SMAD6: variants seen among roughly 807,000 people sequenced by gnomAD.
SMAD6 encodes the protein MAD homolog 6.
A neutral mutation model predicts 39.4 loss-of-function variants in SMAD6; 103 were observed. That is an observed-to-expected ratio of 2.62 (90% CI 2.23 to 3.08). The LOEUF (loss-of-function observed/expected upper bound fraction) is 3.08, where lower values mean the gene tolerates loss of function less well. SMAD6 is among the 30% of genes most tolerant of loss of function. SMAD6 has a pLI of 0.00. For synonymous variants in SMAD6, 445 were observed against 353.3 expected (o/e 1.26, Z -2.91); for missense variants, 1,104 against 742.9 (o/e 1.49, Z -5.65).
At chr15:66,770,374 C>T (rs1894360208) in intron 3 of SMAD6, among the ~76,000 whole-genome samples, 1 of 152,116 alleles carries the variant, frequency 6.6e-6, no homozygotes, top group South Asian at 2.1e-4. Flanking sequence ...GGTGCGGGCA[C>T]TGGTTTATAT....
chr15:66,729,027 G>A (rs1000286216), intron 3 of SMAD6, among the ~76,000 whole-genome samples: 1 of 152,208 alleles, frequency 6.6e-6, no homozygotes, highest in African/African-American at 2.4e-5. Context: ...TTAGTCAGAA[G>A]CCCCTCTAGA....
chr15:66,760,492 G>A (rs925631145), intron 3 of SMAD6, among the ~76,000 whole-genome samples: 2 of 152,216 alleles, frequency 1.3e-5, no homozygotes, highest in African/African-American at 4.8e-5. Flanking sequence ...TGGCGGGCTC[G>A]AAGGACTCGT....
intron 3 of SMAD6, among the ~76,000 whole-genome samples, chr15:66,771,925 T>C (rs1053371243): frequency 6.6e-6 from 1 of 152,124 alleles, no homozygotes; most frequent in Non-Finnish European, 1.5e-5. Context: ...AAAGTGTGTT[T>C]CCAGGGCTGC....
chr15:66,781,429 A>G lies in SMAD6; in HGVS notation c.1385A>G (p.Asn462Ser), dbSNP rs924860092. The G allele has an allele frequency of 1.2e-6, 2 of 1,605,178 alleles. No homozygotes were observed. Among genetic ancestry groups the G allele is most frequent in the Admixed American group, 3.3e-5 (2 of 59,864 alleles). ...GCCGCCGACGGCCCCTACGACCCCA[A>G]CAGCGTCCGCATCAGCTTCGCCAAG... is the stretch of plus-strand genomic sequence containing the variant. ...PDAADGPYDPNSVRISFAKGW... is the reference protein window; with the variant it reads ...PDAADGPYDPSSVRISFAKGW... The change falls in exon 4 of 4, where the codon AAC (asparagine) becomes AGC (serine). Residue 462 changes from asparagine to serine, a missense_variant. Asn to Ser is a conservative substitution (Grantham distance 46, BLOSUM62 1). Transcript: ENST00000288840.
At chr15:66,775,566 C>A (rs1423992205) in intron 3 of SMAD6, among the ~76,000 whole-genome samples, 1 of 152,116 alleles carries the variant, frequency 6.6e-6, no homozygotes, top group Non-Finnish European at 1.5e-5. Context: ...GGACTCCTCC[C>A]AGGCTAGTGC....
chr15:66,767,815 G>T (rs1201840243), intron 3 of SMAD6, among the ~76,000 whole-genome samples: 1 of 152,102 alleles, frequency 6.6e-6, no homozygotes, highest in Non-Finnish European at 1.5e-5. Flanking sequence ...CAGTATATAG[G>T]CCTCTGCATT....
chr15:66,731,491 A>G (rs922663889), intron 3 of SMAD6, among the ~76,000 whole-genome samples: 1 of 151,904 alleles, frequency 6.6e-6, no homozygotes, highest in East Asian at 1.9e-4. Context: ...CCCAACCCCA[A>G]CCCTGAGCTG....
rs1028378964 is a variant in SMAD6 at position 66,703,032 on chromosome 15, C to A, written c.-227C>A. On this transcript the variant is annotated 5_prime_UTR_variant, in exon 1 of 4. The change creates a new upstream start codon in the 5' untranslated region. Coordinates refer to ENST00000288840, the MANE Select transcript of SMAD6 (RefSeq NM_005585.5). ...CATGTAGCCGCTGGCCGCGCGCGGA[C>A]TGCGGCTCGGCGTGCGCGTGTTCCC... 2.6e-6 allele frequency: 1 copy of A among 387,128 alleles called. No individual in the cohort carries two copies. Among genetic ancestry groups the A allele is most frequent in the Non-Finnish European group, 4.7e-6 (1 of 210,768 alleles). 24.0% of individuals were successfully genotyped at this position (387,128 alleles called of 1,614,324 possible).
At chr15:66,755,616 A>G (rs1456080357) in intron 3 of SMAD6, among the ~76,000 whole-genome samples, 1 of 152,110 alleles carries the variant, frequency 6.6e-6, no homozygotes, top group Non-Finnish European at 1.5e-5. Context: ...TGTGTCTGCA[A>G]TTGCTTACGG....
chr15:66,714,469 T>TTTTA (rs1035786091), intron 2 of SMAD6, among the ~76,000 whole-genome samples: 58 of 152,090 alleles, frequency 3.8e-4, no homozygotes, highest in African/African-American at 1.3e-3. Flanking sequence ...GGAAGTGGAG[T>TTTTA]TTTACTTGGA....
intron 3 of SMAD6, among the ~76,000 whole-genome samples, chr15:66,724,398 C>T (rs995715550): frequency 9.2e-5 from 14 of 152,244 alleles, no homozygotes; most frequent in African/African-American, 3.4e-4. Flanking sequence ...ATTTAATGAT[C>T]ACAGCTAACA....
intron 3 of SMAD6, among the ~76,000 whole-genome samples, chr15:66,743,998 A>G (rs1039541433): frequency 6.6e-6 from 1 of 151,934 alleles, no homozygotes; most frequent in African/African-American, 2.4e-5. Flanking sequence ...CTTGGTGAGC[A>G]TCTTATGTCT....
rs187539087 is a variant in SMAD6, at chr15:66,713,412, C to T, written c.874+1688C>T. Among the ~76,000 whole-genome samples, 702 of 152,254 alleles carry T rather than the reference C, an allele frequency of 4.6e-3. 9 individuals are homozygous for T. The highest frequency in any genetic ancestry group is 0.016 in the African/African-American group (663 of 41,524). ...TCGGCCCACTGCAACCTCCGCATCCCGGGTTCAAGCGATTCTTCTGCCTCA... is the reference window on the plus strand; with the variant it reads ...TCGGCCCACTGCAACCTCCGCATCCTGGGTTCAAGCGATTCTTCTGCCTCA... On this transcript the variant is annotated intron_variant, in intron 2 of 3. Coordinates refer to ENST00000288840, the MANE Select transcript of SMAD6 (RefSeq NM_005585.5).
chr15:66,721,307 G>A (rs536464805), intron 3 of SMAD6, among the ~76,000 whole-genome samples: 33 of 152,170 alleles, frequency 2.2e-4, no homozygotes, highest in South Asian at 4.1e-4. Context: ...TGGTGTTATC[G>A]TCAGTGCCTA....
intron 3 of SMAD6, among the ~76,000 whole-genome samples, chr15:66,735,824 T>A (rs1045548498): frequency 2.0e-5 from 3 of 152,154 alleles, no homozygotes; most frequent in Non-Finnish European, 4.4e-5. Context: ...CACCCCACAT[T>A]GGAGGGAGGC....
At chr15:66,769,101 T>C (rs1015284224) in intron 3 of SMAD6, among the ~76,000 whole-genome samples, 22 of 152,292 alleles carry the variant, frequency 1.4e-4, no homozygotes, top group Admixed American at 5.2e-4. Flanking sequence ...AAACTCCTGG[T>C]CATCGAGTGC....
Position 66,703,526 on chromosome 15 carries a change from CCG to C in SMAD6, c.269_270del (p.Pro90GlnfsTer30). On this transcript the variant is annotated frameshift_variant, in exon 1 of 4. Transcript: ENST00000288840. LOFTEE classifies it high-confidence loss of function. ...GAGGCGCCGGCGCGCAGGGGGCCCC[CCG>C]AGGCCCATGTCGGAGCCAGGGGCCG... Reference protein sequence around the residue: ...AGRRRRAGGPPRPMSEPGAGA... With the variant: ...AGRRRRAGGPXRPMSEPGAGA... The C allele has an allele frequency of 8.2e-7, 1 of 1,222,318 alleles. No homozygotes were observed. The highest frequency in any genetic ancestry group is 1.0e-6 in the Non-Finnish European group (1 of 979,508). The allele number at this position is 1,222,318 out of a possible 1,614,324, so 75.7% of individuals were successfully genotyped here.
At chr15:66,763,602 C>A (rs1051320539) in intron 3 of SMAD6, among the ~76,000 whole-genome samples, 2 of 152,224 alleles carry the variant, frequency 1.3e-5, no homozygotes, top group Non-Finnish European at 2.9e-5. Context: ...CGCCCAGGGC[C>A]TCTTCCTGCC....
intron 3 of SMAD6, among the ~76,000 whole-genome samples, chr15:66,721,685 G>GC (rs1280706135): frequency 2.6e-5 from 4 of 152,212 alleles, no homozygotes; most frequent in Non-Finnish European, 5.9e-5. Context: ...CTGTGAGTCA[G>GC]CCAAGGCCTG....
Sources: gnomAD v4.1 joint callset for allele counts (sites outside exome capture counted in the v4.1 genomes callset) on GRCh38, gnomAD v4.1.1 for gene constraint, MANE v1.5 for transcripts, NCBI Gene and HGNC (gene_info 2026-07-23, HGNC 2026-07-21) for gene names.